STOX2: variants seen among roughly 807,000 people sequenced by gnomAD.
STOX2 encodes storkhead box 2, also known as storkhead-box protein 2.
Under a neutral mutation model 60.9 loss-of-function variants are expected in STOX2, and 28 were observed. The observed-to-expected ratio is 0.46, with a 90% CI of 0.34 to 0.63. The LOEUF (loss-of-function observed/expected upper bound fraction) is 0.63. STOX2 is among the 30% of genes least tolerant of loss of function. The probability of loss-of-function intolerance (pLI) is 0.01; values close to 1 mark genes in which losing one functional copy is unlikely to be tolerated. For synonymous variants in STOX2, 472 were observed against 463.9 expected (o/e 1.02, Z -0.22); for missense variants, 1,024 against 1,187.7 (o/e 0.86, Z 2.03).
chr4:183,969,738 G>A (rs1042268529), intron 1 of STOX2, among the ~76,000 whole-genome samples: 1 of 152,024 alleles, frequency 6.6e-6, no homozygotes, highest in South Asian at 2.1e-4. Context: ...CTCCACCTCA[G>A]CCTCCTGAGT....
At chr4:183,937,550 A>T (rs1233284303) in intron 1 of STOX2, among the ~76,000 whole-genome samples, 1 of 152,142 alleles carries the variant, frequency 6.6e-6, no homozygotes, top group Non-Finnish European at 1.5e-5. Context: ...ATATTTAGAA[A>T]TTGAGAGTAG....
At chr4:183,814,509 A>T (rs1279749845) in intron 1 of STOX2, among the ~76,000 whole-genome samples, 1 of 152,202 alleles carries the variant, frequency 6.6e-6, no homozygotes. Context: ...GAGTGATGGG[A>T]CTGCATCGGG....
chr4:183,949,022 A>C (rs974539284), intron 1 of STOX2, among the ~76,000 whole-genome samples: 2 of 152,200 alleles, frequency 1.3e-5, no homozygotes, highest in Non-Finnish European at 2.9e-5. Context: ...TATAAGAAAA[A>C]TAATAAGTGA....
intron 2 of STOX2, among the ~76,000 whole-genome samples, chr4:184,005,833 A>G (rs569057783): frequency 6.8e-4 from 104 of 152,356 alleles, no homozygotes; most frequent in African/African-American, 2.5e-3. Context: ...CTCAGGTCAC[A>G]GCATGGAAAA....
intron 2 of STOX2, among the ~76,000 whole-genome samples, chr4:184,004,606 A>C (rs1242931333): frequency 1.3e-5 from 1 of 77,510 alleles, no homozygotes; most frequent in Non-Finnish European, 4.0e-5. Flanking sequence ...TTTCAAAAAC[A>C]AAAACAAAAA....
chr4:183,806,308 C>T lies in STOX2; in HGVS notation c.364+8253C>T, dbSNP rs571698496. ...CACCTCCCCACTCCCCAATAACGTACGTTTGGGAAGCACATGATGTCCCTT... is the reference window on the plus strand; with the variant it reads ...CACCTCCCCACTCCCCAATAACGTATGTTTGGGAAGCACATGATGTCCCTT... On this transcript the variant is annotated intron_variant, in intron 1 of 2. Transcript: ENST00000513034. This position sits in a 1 kb window ranked among gnomAD's most constrained non-coding sequence, Gnocchi z 4.1. Among the ~76,000 whole-genome samples, 9 of 152,288 alleles carry T rather than the reference C, an allele frequency of 5.9e-5. No individual in the cohort carries two copies. Among genetic ancestry groups the T allele is most frequent in the African/African-American group, 9.6e-5 (4 of 41,552 alleles).
At chr4:183,848,396 C>T (rs941741515) in intron 1 of STOX2, among the ~76,000 whole-genome samples, 8 of 152,076 alleles carry the variant, frequency 5.3e-5, no homozygotes, top group African/African-American at 1.4e-4. Context: ...CTTTTTAGAA[C>T]GTTGGAACAG....
At chr4:183,857,226 T>C (rs1368046837) in intron 1 of STOX2, among the ~76,000 whole-genome samples, 2 of 151,506 alleles carry the variant, frequency 1.3e-5, no homozygotes, top group South Asian at 2.1e-4. Context: ...CAGGACTGGT[T>C]ATCCCACAGG....
chr4:183,906,655 A>T lies in STOX2; in HGVS notation c.-136A>T. On this transcript the variant is annotated 5_prime_UTR_variant, in exon 1 of 4. It removes the in-frame stop codon of an upstream open reading frame in the 5' UTR. Transcript: ENST00000308497. ...GGGCCGGACCCGCCGCTGGCGGTGT[A>T]GACGCCGACGAGGAGGGGCTGGGAA... is the stretch of plus-strand genomic sequence containing the variant. 1 of 987,208 alleles carries T rather than the reference A, an allele frequency of 1.0e-6. No individual in the cohort carries two copies. The allele number at this position is 987,208 out of a possible 1,614,324, so 61.2% of individuals were successfully genotyped here.
intron 2 of STOX2, among the ~76,000 whole-genome samples, chr4:184,006,911 G>A (rs1733873840): frequency 6.8e-6 from 1 of 146,550 alleles, no homozygotes; most frequent in Non-Finnish European, 1.5e-5. Context: ...AGCTACTTGG[G>A]AGGCTGAGGC....
At chr4:183,877,128 A>C (rs1740847630) in intron 1 of STOX2, among the ~76,000 whole-genome samples, 1 of 152,210 alleles carries the variant, frequency 6.6e-6, no homozygotes, top group Admixed American at 6.5e-5. Flanking sequence ...TAAAAAAATT[A>C]TATGTGGGCA....
chr4:183,808,657 T>C (rs1340881117), intron 1 of STOX2, among the ~76,000 whole-genome samples: 1 of 152,244 alleles, frequency 6.6e-6, no homozygotes, highest in African/African-American at 2.4e-5. Context: ...TTAGACACTG[T>C]CTGTTCCCAG....
chr4:183,874,974 T>A (rs867032159), intron 1 of STOX2, among the ~76,000 whole-genome samples: 7 of 97,554 alleles, frequency 7.2e-5, no homozygotes, highest in South Asian at 6.9e-4. Flanking sequence ...TATATATATA[T>A]ATATATATAT....
intron 1 of STOX2, among the ~76,000 whole-genome samples, chr4:183,808,207 A>G (rs1246255759): frequency 2.0e-5 from 3 of 152,200 alleles, no homozygotes; most frequent in Admixed American, 2.0e-4. Flanking sequence ...AAAGAAATCC[A>G]GTTCTCTATC....
rs1157336853 is a variant in STOX2 at position 183,887,170 on chromosome 4, A to C, written c.364+89115A>C. ...TCCCAGCTACTCGGGAGGCTGAGGC[A>C]GGAGAATCGCTTGAACCCGGGAGAT... On this transcript the variant is annotated intron_variant, in intron 1 of 2. Transcript: ENST00000513034. 3.9e-5 allele frequency among the ~76,000 whole-genome samples: 6 copies of C among 152,192 alleles called. No individual in the cohort carries two copies. The East Asian group carries it at 1.2e-3, about 29-fold the overall frequency.
chr4:183,933,232 C>T lies in STOX2; in HGVS notation c.166+26276C>T, dbSNP rs73000623. Among the ~76,000 whole-genome samples, 1,032 of 152,312 alleles carry T rather than the reference C, an allele frequency of 6.8e-3. 8 individuals are homozygous for T. The highest frequency in any genetic ancestry group is 0.023 in the African/African-American group (976 of 41,562). On this transcript the variant is annotated intron_variant, in intron 1 of 3. Coordinates refer to ENST00000308497, the MANE Select transcript of STOX2 (RefSeq NM_020225.3). ...TTGTGGACAGACACAAATACCGTGC[C>T]TTTCCCCAGTATATTTTAAGTGATA...
chr4:183,830,984 C>T (rs73870912), intron 1 of STOX2, among the ~76,000 whole-genome samples: 3,230 of 147,586 alleles, frequency 0.022, 98 homozygotes, highest in African/African-American at 0.076. Flanking sequence ...TTAGATCCTT[C>T]CTAGGCTGGT....
At position 184,010,614 on chromosome 4, in the gene STOX2, A is replaced by G. The variant is rs1156773028; in HGVS notation, c.1776A>G (p.Pro592=). 1.2e-6 allele frequency: 2 copies of G among 1,613,918 alleles called. No individual in the cohort carries two copies. Among genetic ancestry groups the G allele is most frequent in the Non-Finnish European group, 1.7e-6 (2 of 1,179,908 alleles). The change falls in exon 3 of 4, where the codon CCA becomes CCG. Residue 592 remains proline, a synonymous_variant. Transcript: ENST00000308497. This position sits in a 1 kb window ranked among gnomAD's most constrained non-coding sequence, Gnocchi z 4.5. ...CCTATGGCGAACTCAACTCTTGTCC[A>G]ACAAAAACAGCCACAGATGACTATT... ...LPSYGELNSC[P]TKTATDDYFQ...
intron 1 of STOX2, among the ~76,000 whole-genome samples, chr4:183,897,268 T>G (rs1741358990): frequency 6.6e-6 from 1 of 152,214 alleles, no homozygotes; most frequent in African/African-American, 2.4e-5. Context: ...GCCCGTTATT[T>G]GTCTATTTGG....
Sources: allele counts gnomAD v4.1 joint callset (sites outside exome capture counted in the v4.1 genomes callset), GRCh38; gene constraint gnomAD v4.1.1; non-coding constraint Gnocchi (gnomAD v3.1); transcripts MANE v1.5; gene names NCBI Gene and HGNC (gene_info 2026-07-23, HGNC 2026-07-21).